The following SOX5 variants were observed in gnomAD, a reference collection of about 807,000 sequenced individuals.
SOX5 encodes the protein SRY-box transcription factor 5.
SOX5 carries 9 observed loss-of-function variants against 92.0 expected under a neutral mutation model. The observed-to-expected ratio is 0.10, with a 90% confidence interval of 0.06 to 0.17. The LOEUF is 0.17. Among genes scored for constraint, SOX5 ranks in the 10% least tolerant of loss-of-function variants. The pLI, the probability that SOX5 is intolerant of heterozygous loss-of-function variation, is 1.00. For synonymous variants in SOX5, 344 were observed against 336.3 expected (o/e 1.02, Z -0.25); for missense variants, 642 against 944.5 (o/e 0.68, Z 4.20).
chr12:24,300,514 T>C (rs948797770), intron 2 of SOX5, among the ~76,000 whole-genome samples: 1 of 152,220 alleles, frequency 6.6e-6, no homozygotes, highest in African/African-American at 2.4e-5. Flanking sequence ...ACATATCCAC[T>C]GAGCGGTATA....
chr12:23,695,372 G>A (rs977019555), intron 6 of SOX5, among the ~76,000 whole-genome samples: 2 of 152,144 alleles, frequency 1.3e-5, no homozygotes, highest in African/African-American at 4.8e-5. Flanking sequence ...AAAATTTTAA[G>A]AGTATGAGCA....
chr12:24,183,516 G>A (rs894339191), intron 4 of SOX5, among the ~76,000 whole-genome samples: 7 of 152,032 alleles, frequency 4.6e-5, no homozygotes, highest in East Asian at 1.9e-4. Context: ...CCTCAACTAA[G>A]TTGATGTTAT....
chr12:24,172,597 C>G (rs748771554), intron 4 of SOX5, among the ~76,000 whole-genome samples: 71 of 151,988 alleles, frequency 4.7e-4, no homozygotes, highest in Non-Finnish European at 9.4e-4. Flanking sequence ...CAGTTTGGAT[C>G]GGAGGAACTG....
At chr12:24,436,815 TG>T (rs1171489102) in intron 1 of SOX5, among the ~76,000 whole-genome samples, 1 of 152,206 alleles carries the variant, frequency 6.6e-6, no homozygotes, top group Non-Finnish European at 1.5e-5. Context: ...CTCTCTTATT[TG>T]TTAGGGGCTA....
intron 4 of SOX5, among the ~76,000 whole-genome samples, chr12:24,191,190 A>G (rs1486556346): frequency 1.3e-5 from 2 of 152,214 alleles, no homozygotes; most frequent in East Asian, 3.8e-4. Context: ...AAAGAAGACG[A>G]CAGTGATTTG....
chr12:24,326,677 T>G (rs1297687675), intron 2 of SOX5, among the ~76,000 whole-genome samples: 1 of 152,076 alleles, frequency 6.6e-6, no homozygotes, highest in Non-Finnish European at 1.5e-5. Flanking sequence ...CCCTCACCTT[T>G]TTCAGGTGGC....
intron 1 of SOX5, among the ~76,000 whole-genome samples, chr12:23,937,777 G>C (rs1942899977): frequency 6.6e-6 from 1 of 150,826 alleles, no homozygotes; most frequent in Admixed American, 6.6e-5. Context: ...TTTTGGCTGA[G>C]GCCCTTGTTT....
At chr12:24,337,109 A>T (rs1196781695) in intron 2 of SOX5, among the ~76,000 whole-genome samples, 1 of 152,198 alleles carries the variant, frequency 6.6e-6, no homozygotes, top group Non-Finnish European at 1.5e-5. Flanking sequence ...ACCAAAGCTT[A>T]ACCAGAGCAA....
intron 2 of SOX5, among the ~76,000 whole-genome samples, chr12:24,310,514 G>A (rs1949066039): frequency 6.6e-6 from 1 of 152,018 alleles, no homozygotes; most frequent in Non-Finnish European, 1.5e-5. Flanking sequence ...CTGTCCCCAG[G>A]ATATTTGTGT....
At chr12:23,595,949 T>A (rs1293069711) in intron 9 of SOX5, among the ~76,000 whole-genome samples, 3 of 152,196 alleles carry the variant, frequency 2.0e-5, no homozygotes, top group Non-Finnish European at 2.9e-5. Flanking sequence ...AAAGACTTAT[T>A]CTGAATAAGA....
At chr12:24,154,403 T>C (rs926374202) in intron 4 of SOX5, among the ~76,000 whole-genome samples, 6 of 152,144 alleles carry the variant, frequency 3.9e-5, no homozygotes, top group Non-Finnish European at 8.8e-5. Context: ...ACATGCGTAA[T>C]GCAAAGGCTC....
intron 7 of SOX5, among the ~76,000 whole-genome samples, chr12:23,654,781 C>A (rs978659658): frequency 4.0e-5 from 6 of 151,896 alleles, no homozygotes; most frequent in African/African-American, 1.2e-4. Context: ...ATAAGAAATG[C>A]TAATATTTTG....
At chr12:23,609,421 A>G (rs1248923577) in intron 8 of SOX5, among the ~76,000 whole-genome samples, 2 of 152,220 alleles carry the variant, frequency 1.3e-5, no homozygotes, top group African/African-American at 4.8e-5. Context: ...GATAATGCTG[A>G]TCATAGGAAC....
intron 8 of SOX5, among the ~76,000 whole-genome samples, chr12:23,621,888 C>G (rs1352392215): frequency 6.6e-6 from 1 of 152,112 alleles, no homozygotes; most frequent in East Asian, 1.9e-4. Context: ...CCTTCCTACT[C>G]CAAAGCTAGC....
intron 13 of SOX5, among the ~76,000 whole-genome samples, chr12:23,541,044 A>G (rs573053271): frequency 2.0e-5 from 3 of 152,318 alleles, no homozygotes; most frequent in Admixed American, 6.5e-5. Context: ...TATAAATGTT[A>G]TATCTTTAAA....
At chr12:23,888,342 G>A (rs1050842633) in intron 2 of SOX5, among the ~76,000 whole-genome samples, 2 of 151,756 alleles carry the variant, frequency 1.3e-5, no homozygotes, top group Non-Finnish European at 2.9e-5. Context: ...CCCTATCACT[G>A]CCTTACACTG....
intron 2 of SOX5, among the ~76,000 whole-genome samples, chr12:24,349,132 A>G (rs1211955134): frequency 6.6e-6 from 1 of 152,136 alleles, no homozygotes; most frequent in Admixed American, 6.5e-5. Flanking sequence ...CTGTCTGGAG[A>G]TATTTCGCTC....
At chr12:23,685,794 A>G (rs1260635111) in intron 6 of SOX5, among the ~76,000 whole-genome samples, 1 of 152,138 alleles carries the variant, frequency 6.6e-6, no homozygotes, top group East Asian at 1.9e-4. Context: ...AAATAATTTG[A>G]AACTACTGAT....
chr12:23,936,698 C>T (rs1349661817), intron 1 of SOX5, among the ~76,000 whole-genome samples: 5 of 150,606 alleles, frequency 3.3e-5, no homozygotes, highest in Non-Finnish European at 7.4e-5. Flanking sequence ...ATGAGGCACA[C>T]GTGTAATTTT....
Sources: gnomAD v4.1 joint callset for allele counts (sites outside exome capture counted in the v4.1 genomes callset) on GRCh38, gnomAD v4.1.1 for gene constraint, MANE v1.5 for transcripts, NCBI Gene and HGNC (gene_info 2026-07-23, HGNC 2026-07-21) for gene names.